Variants in UNC80 observed in about 807,000 individuals in gnomAD.
UNC80 encodes unc-80 subunit of NALCN channel complex, also known as protein unc-80 homolog.
UNC80 carries 164 observed loss-of-function variants against 384.6 expected under a neutral mutation model. The observed-to-expected ratio is 0.43, with a 90% CI of 0.38 to 0.49. The LOEUF is 0.49. Ranked by LOEUF, UNC80 falls within the 20% of genes least tolerant of loss-of-function variation. The probability of loss-of-function intolerance (pLI) is 0.00; values close to 1 mark genes in which losing one functional copy is unlikely to be tolerated. For synonymous variants in UNC80, 1,486 were observed against 1,527.8 expected (o/e 0.97, Z 0.64); for missense variants, 3,330 against 4,143.0 (o/e 0.80, Z 5.39).
intron 22 of UNC80, among the ~76,000 whole-genome samples, chr2:209,863,331 G>A (rs910209198): frequency 1.2e-4 from 19 of 152,066 alleles, no homozygotes; most frequent in Non-Finnish European, 2.6e-4. Flanking sequence ...TCTTCTCATG[G>A]AATATCTTAA....
Position 209,959,705 on chromosome 2 carries a change from G to C in UNC80, c.7803G>C (p.Met2601Ile). ...ALELLDVKSH[M>I]RLAEIAHSLL... ...AACTGCTGGATGTGAAGTCTCACAT[G>C]AGGTACTGGCCTCGCTTTCCCTGCC... Residue 2601 changes from methionine to isoleucine, a missense_variant and splice_region_variant, in exon 51 of 65, where the codon ATG (methionine) becomes ATC (isoleucine). By Grantham distance (10) the Met-to-Ile change is conservative. This residue lies in a region of UNC80 where 1,049 missense variants were observed against 1,488.6 expected (regional missense o/e 0.70). Coordinates refer to ENST00000673920, the MANE Select transcript of UNC80 (RefSeq NM_001371986.1). The C allele has an allele frequency of 6.4e-7, 1 of 1,551,042 alleles. No individual in the cohort carries two copies. Among genetic ancestry groups the C allele is most frequent in the Non-Finnish European group, 8.7e-7 (1 of 1,146,902 alleles).
rs2084423451 is a variant in UNC80 at position 209,872,906 on chromosome 2, T to C, written c.3776T>C (p.Val1259Ala). Residue 1259 changes from valine to alanine, a missense_variant, in exon 23 of 65, where the codon GTG becomes GCG. Around this residue, in one of 8 missense-constraint regions of UNC80, gnomAD observed 801 missense variants for 950.8 expected, o/e 0.84. Coordinates refer to ENST00000673920, the MANE Select transcript of UNC80 (RefSeq NM_001371986.1). This position sits in a 1 kb window ranked among gnomAD's most constrained non-coding sequence, Gnocchi z 4.1. The stretch of plus-strand genomic sequence containing the variant: ...CTTTCCCGGGGACGCTCTCCCATTG[T>C]GGGCAACAAGCGAAACCAGAAGCTG... ...KGLSRGRSPI[V>A]GNKRNQKLQW... 1 of 1,551,468 alleles carries C rather than the reference T, an allele frequency of 6.4e-7. No homozygotes were observed.
chr2:209,856,151 T>G (rs2082899564), intron 22 of UNC80, among the ~76,000 whole-genome samples: 1 of 152,166 alleles, frequency 6.6e-6, no homozygotes, highest in Non-Finnish European at 1.5e-5. Flanking sequence ...TATTTTTATT[T>G]TTAACAATGT....
chr2:209,910,649 CTTTTT>C (rs540625562), intron 29 of UNC80, among the ~76,000 whole-genome samples: 1 of 104,362 alleles, frequency 9.6e-6, no homozygotes. Flanking sequence ...AAATGCTCAT[CTTTTT>C]TTTTTTTTTT....
At chr2:209,935,037 A>G (rs1462490404) in intron 39 of UNC80, among the ~76,000 whole-genome samples, 1 of 152,228 alleles carries the variant, frequency 6.6e-6, no homozygotes, top group Non-Finnish European at 1.5e-5. Flanking sequence ...CAAGAAGAAT[A>G]CAGAAAATGT....
At chr2:209,881,694 C>T (rs2085306087) in intron 25 of UNC80, among the ~76,000 whole-genome samples, 1 of 151,898 alleles carries the variant, frequency 6.6e-6, no homozygotes, top group African/African-American at 2.4e-5. Flanking sequence ...ACCATGAAGG[C>T]CTGATTTGTT....
chr2:209,844,044 C>T (rs751621130), intron 21 of UNC80, among the ~76,000 whole-genome samples: 1 of 152,080 alleles, frequency 6.6e-6, no homozygotes, highest in African/African-American at 2.4e-5. Flanking sequence ...TTATTAGTCT[C>T]TGTGGTTTTA....
intron 7 of UNC80, among the ~76,000 whole-genome samples, chr2:209,801,109 G>C (rs1574497387): frequency 6.6e-6 from 1 of 152,210 alleles, no homozygotes; most frequent in East Asian, 1.9e-4. Context: ...GAATATCCTT[G>C]TTAATTTTCT....
intron 35 of UNC80, 149 bp from the exon 36 acceptor site, chr2:209,926,694 T>G: frequency 5.4e-6 from 5 of 931,424 alleles, no homozygotes; most frequent in Non-Finnish European, 8.0e-6. Flanking sequence ...GAGGATCTCT[T>G]GAGCCCAAGA....
At chr2:209,911,731 G>A (rs759954226) in intron 29 of UNC80, among the ~76,000 whole-genome samples, 2 of 152,138 alleles carry the variant, frequency 1.3e-5, no homozygotes, top group Non-Finnish European at 2.9e-5. Context: ...TGAGGAGAAC[G>A]ATTCCCTCTT....
chr2:209,968,488 A>G (rs2092796876), intron 52 of UNC80: 1 of 152,152 alleles, frequency 6.6e-6, no homozygotes, highest in South Asian at 2.1e-4. Context: ...ACACTAATCC[A>G]GCTTTCAGGA....
intron 42 of UNC80, among the ~76,000 whole-genome samples, 193 bp from the exon 43 acceptor site, chr2:209,939,279 G>C (rs2091464247): frequency 6.6e-6 from 1 of 152,136 alleles, no homozygotes; most frequent in African/African-American, 2.4e-5. Context: ...AAGGAAGTAA[G>C]AGGCAATTGA....
chr2:209,818,374 G>A (rs1026475140), intron 11 of UNC80, among the ~76,000 whole-genome samples: 2 of 151,572 alleles, frequency 1.3e-5, no homozygotes, highest in African/African-American at 2.4e-5. Flanking sequence ...TTTTAGATAA[G>A]TTCTTGTGTG....
chr2:209,780,486 G>C (rs1030418870), intron 4 of UNC80, among the ~76,000 whole-genome samples: 12 of 152,250 alleles, frequency 7.9e-5, no homozygotes, highest in Admixed American at 7.8e-4. Context: ...CAAGTTGTTG[G>C]GGAATGTACA....
intron 19 of UNC80, 133 bp from the exon 20 acceptor site, chr2:209,840,409 T>C: frequency 1.4e-6 from 1 of 737,634 alleles, no homozygotes; most frequent in South Asian, 1.9e-5. Flanking sequence ...GCATGTACAT[T>C]GAAAACAATT....
At position 209,839,224 on chromosome 2, in the gene UNC80, A is replaced by C; in HGVS notation, c.3044A>C (p.Asp1015Ala). ...CCCTATCCTCTGCTTGCCTACAGCG[A>C]TGAACAAATGCAAGGAGCCAACTTG... The part of the protein sequence containing the change: ...SGRPSQTPEH[D>A]EQMQGANLGR... Residue 1015 changes from aspartate to alanine, a missense_variant and splice_region_variant, in exon 19 of 65, where the codon GAT (aspartate) becomes GCT (alanine). Transcript: ENST00000673920. This position sits in a 1 kb window ranked among gnomAD's most constrained non-coding sequence, Gnocchi z 4.1. 1 of 1,551,448 alleles carries C rather than the reference A, an allele frequency of 6.4e-7. No individual in the cohort carries two copies. The highest frequency in any genetic ancestry group is 2.4e-5 in the East Asian group (1 of 40,890).
At chr2:209,894,410 AG>A in intron 27 of UNC80, 44 bp downstream of exon 27, 1 of 965,766 alleles carries the variant, frequency 1.0e-6, no homozygotes, top group Non-Finnish European at 1.2e-6. Context: ...GGGGGTAGGA[AG>A]ACAGGGCCCA....
intron 26 of UNC80, among the ~76,000 whole-genome samples, 180 bp downstream of exon 26, chr2:209,888,440 G>T (rs934990759): frequency 1.3e-5 from 2 of 152,080 alleles, no homozygotes; most frequent in African/African-American, 4.8e-5. Flanking sequence ...AGTCAGAGAG[G>T]CCTGGCTTCC....
intron 26 of UNC80, among the ~76,000 whole-genome samples, chr2:209,890,644 C>A (rs746448127): frequency 4.6e-5 from 7 of 152,134 alleles, no homozygotes; most frequent in Non-Finnish European, 8.8e-5. Context: ...CACTATGTGG[C>A]CTTGTCCAAG....
Sources: allele counts gnomAD v4.1 joint callset (sites outside exome capture counted in the v4.1 genomes callset), GRCh38; gene constraint gnomAD v4.1.1; regional missense constraint gnomAD v4.1.1; non-coding constraint Gnocchi (gnomAD v3.1); transcripts MANE v1.5; gene names NCBI Gene and HGNC (gene_info 2026-07-23, HGNC 2026-07-21).